Variants in TC2N observed in about 807,000 individuals in gnomAD.
TC2N encodes the protein tandem C2 domains nuclear protein.
Under a neutral mutation model 61.9 loss-of-function variants are expected in TC2N, and 51 were observed. The observed-to-expected ratio is 0.82, with a 90% CI of 0.66 to 1.04. TC2N has a LOEUF of 1.04. Ranked by LOEUF, TC2N falls within the 50% of genes least tolerant of loss-of-function variation. The pLI is 0.00. For synonymous variants in TC2N, 204 were observed against 192.6 expected (o/e 1.06, Z -0.49); for missense variants, 556 against 566.7 (o/e 0.98, Z 0.19).
intron 1 of TC2N, among the ~76,000 whole-genome samples, chr14:91,833,128 A>G (rs929675319): frequency 3.9e-5 from 6 of 152,204 alleles, no homozygotes; most frequent in African/African-American, 1.2e-4. Context: ...GCTTCAAAAA[A>G]TGTTGGTTAT....
chr14:91,842,476 T>A (rs1158313306), intron 1 of TC2N, among the ~76,000 whole-genome samples: 4 of 152,200 alleles, frequency 2.6e-5, no homozygotes, highest in African/African-American at 9.6e-5. Flanking sequence ...ACTTGTTCCT[T>A]TTCTCTTTTA....
At chr14:91,798,278 G>A (rs1014438416) in intron 7 of TC2N, 21 bp downstream of exon 7, 9 of 1,245,672 alleles carry the variant, frequency 7.2e-6, no homozygotes, top group Non-Finnish European at 1.0e-5. Context: ...ATAAAAGCTG[G>A]TATTAACTAT....
chr14:91,799,645 T>A (rs1277226114), intron 5 of TC2N, among the ~76,000 whole-genome samples: 1 of 152,072 alleles, frequency 6.6e-6, no homozygotes, highest in African/African-American at 2.4e-5. Flanking sequence ...GATTAAGGAT[T>A]ATCTAGAATA....
At chr14:91,864,731 T>C (rs113854278) in intron 1 of TC2N, among the ~76,000 whole-genome samples, 11 of 151,364 alleles carry the variant, frequency 7.3e-5, no homozygotes, top group African/African-American at 2.7e-4. Context: ...ACAGGTATCA[T>C]AATGGCACTG....
intron 1 of TC2N, among the ~76,000 whole-genome samples, chr14:91,862,491 T>C (rs942392915): frequency 6.6e-6 from 1 of 152,190 alleles, no homozygotes; most frequent in Non-Finnish European, 1.5e-5. Flanking sequence ...TTGGTCTTTG[T>C]TGAACCAGCA....
At chr14:91,861,046 C>T (rs1013281920) in intron 1 of TC2N, among the ~76,000 whole-genome samples, 8 of 152,134 alleles carry the variant, frequency 5.3e-5, no homozygotes, top group African/African-American at 1.9e-4. Flanking sequence ...CATGTCAAGC[C>T]GCTGGATACC....
At chr14:91,839,980 T>A (rs1424118340) in intron 1 of TC2N, among the ~76,000 whole-genome samples, 1 of 152,198 alleles carries the variant, frequency 6.6e-6, no homozygotes, top group African/African-American at 2.4e-5. Flanking sequence ...TTCTGACCAA[T>A]GGAATTTGAG....
intron 1 of TC2N, among the ~76,000 whole-genome samples, chr14:91,847,016 G>T (rs1333790008): frequency 6.6e-6 from 1 of 152,218 alleles, no homozygotes; most frequent in Non-Finnish European, 1.5e-5. Flanking sequence ...CCAACTCTTT[G>T]GGAGGCCGAG....
intron 1 of TC2N, among the ~76,000 whole-genome samples, chr14:91,832,038 G>A (rs575153105): frequency 3.9e-5 from 6 of 152,242 alleles, no homozygotes; most frequent in African/African-American, 1.2e-4. Context: ...AATGTGCCAC[G>A]TGCATAACTG....
At chr14:91,862,523 G>A (rs1009116750) in intron 1 of TC2N, among the ~76,000 whole-genome samples, 6 of 152,126 alleles carry the variant, frequency 3.9e-5, no homozygotes, top group Non-Finnish European at 8.8e-5. Flanking sequence ...TGGGGCTGAG[G>A]GAAATCTGGT....
At chr14:91,806,764 G>A (rs1383135364) in intron 3 of TC2N, among the ~76,000 whole-genome samples, 1 of 152,164 alleles carries the variant, frequency 6.6e-6, no homozygotes, top group Non-Finnish European at 1.5e-5. Flanking sequence ...CATTTTCTGA[G>A]GAGAAATTCA....
At chr14:91,810,912 T>C (rs748872424) in intron 3 of TC2N, among the ~76,000 whole-genome samples, 2 of 149,268 alleles carry the variant, frequency 1.3e-5, no homozygotes, top group Non-Finnish European at 3.0e-5. Flanking sequence ...ATCAAAAGGT[T>C]CAACATAGGT....
At chr14:91,803,404 TACATACATACACACACACACACAC>T (rs1437262180) in intron 3 of TC2N, among the ~76,000 whole-genome samples, 2 of 103,102 alleles carry the variant, frequency 1.9e-5, no homozygotes, top group Non-Finnish European at 3.6e-5. Context: ...CACACACACG[TACATACATACACACACACACACAC>T]ATATATATAT....
rs1275774311 is a variant in TC2N at position 91,782,327 on chromosome 14, A to G, written c.*773T>C. 1 of 152,096 alleles carries G rather than the reference A, an allele frequency of 6.6e-6. No homozygotes were observed. The highest frequency in any genetic ancestry group is 1.5e-5 in the Non-Finnish European group (1 of 67,906). 9.4% of individuals were successfully genotyped at this position (152,096 alleles called of 1,614,324 possible). A position where few individuals can be genotyped will look rare whatever the true frequency, so the allele number is the denominator to read the frequency against. Reference sequence around the variant, plus strand: ...TTAAGCTCATTTAATTCTGTGAATTAGGATGGACCATATGGATGATACTCT... The same window carrying G: ...TTAAGCTCATTTAATTCTGTGAATTGGGATGGACCATATGGATGATACTCT... On this transcript the variant is annotated 3_prime_UTR_variant, in exon 12 of 12. Transcript: ENST00000435962.
intron 11 of TC2N, among the ~76,000 whole-genome samples, chr14:91,783,597 A>G (rs968773285): frequency 1.3e-5 from 2 of 152,110 alleles, no homozygotes; most frequent in African/African-American, 4.8e-5. Context: ...TCATGATTCA[A>G]ATTAGATTGG....
Position 91,802,389 on chromosome 14 carries a change from C to T in TC2N, c.334G>A (p.Val112Ile), listed in dbSNP as rs779095734. 3 of 1,612,282 alleles carry T rather than the reference C, an allele frequency of 1.9e-6. No homozygotes were observed. Among genetic ancestry groups the T allele is most frequent in the South Asian group, 2.2e-5 (2 of 90,518 alleles). ...TGCTGGGATGAACTGGAAAGTTCTA[C>T]CTTTCGATCTCCAAAAGATGCTCTG... Reference protein sequence around the residue: ...SARASFGDRKVELSSSSQHGP... With the variant: ...SARASFGDRKIELSSSSQHGP... Residue 112 changes from valine to isoleucine, a missense_variant, in exon 4 of 12, where the codon GTA becomes ATA. By Grantham distance (29) the Val-to-Ile change is conservative. Coordinates refer to ENST00000435962, the MANE Select transcript of TC2N (RefSeq NM_001128596.3).
intron 1 of TC2N, among the ~76,000 whole-genome samples, chr14:91,853,964 A>G (rs1191380184): frequency 6.6e-6 from 1 of 152,206 alleles, no homozygotes; most frequent in Non-Finnish European, 1.5e-5. Flanking sequence ...GTAACCTAGT[A>G]AGAATATTTC....
chr14:91,852,742 G>C (rs1566790229), intron 1 of TC2N, among the ~76,000 whole-genome samples: 1 of 152,174 alleles, frequency 6.6e-6, no homozygotes, highest in Non-Finnish European at 1.5e-5. Context: ...GCAAGAGAAA[G>C]AGAAAGAGAA....
chr14:91,846,060 G>A (rs755087807), intron 1 of TC2N, among the ~76,000 whole-genome samples: 16 of 152,202 alleles, frequency 1.1e-4, no homozygotes, highest in Non-Finnish European at 2.4e-4. Context: ...GGGGAGAAGA[G>A]GGTCAAGGGA....
Sources: gnomAD v4.1 joint callset for allele counts (sites outside exome capture counted in the v4.1 genomes callset) on GRCh38, gnomAD v4.1.1 for gene constraint, MANE v1.5 for transcripts, NCBI Gene and HGNC (gene_info 2026-07-23, HGNC 2026-07-21) for gene names.